Variants in CDH18 observed in about 807,000 individuals in gnomAD.
CDH18 encodes the protein cadherin-18.
In CDH18, 31 loss-of-function variants were observed where a neutral mutation model predicts 67.9. The ratio of observed to expected loss-of-function variants is 0.46; its 90% CI spans 0.34 to 0.62. CDH18 has a LOEUF of 0.62. Among genes scored for constraint, CDH18 ranks in the 20% least tolerant of loss-of-function variants. CDH18 has a pLI of 0.01. For missense variants in CDH18, 890 were observed against 975.5 expected, an observed-to-expected ratio of 0.91 and a Z score of 1.17; for synonymous variants, 362 against 347.2, an observed-to-expected ratio of 1.04 and a Z score of -0.48.
At chr5:19,559,521 T>C (rs965402795) in intron 8 of CDH18, among the ~76,000 whole-genome samples, 1 of 152,036 alleles carries the variant, frequency 6.6e-6, no homozygotes, top group African/African-American at 2.4e-5. Flanking sequence ...AGAAGGGGCA[T>C]ACCTTAAGGT....
At chr5:19,942,799 C>T (rs985164981) in intron 2 of CDH18, among the ~76,000 whole-genome samples, 1 of 152,178 alleles carries the variant, frequency 6.6e-6, no homozygotes, top group African/African-American at 2.4e-5. Context: ...TGAGGCAAAC[C>T]TCAGGAGCAT....
chr5:20,176,488 GTTGTTA>G (rs1737246533), intron 2 of CDH18, among the ~76,000 whole-genome samples: 1 of 152,052 alleles, frequency 6.6e-6, no homozygotes, highest in Non-Finnish European at 1.5e-5. Context: ...AATAGTTTTA[GTTGTTA>G]TAACCTTTGT....
At chr5:19,919,273 C>T (rs977681111) in intron 2 of CDH18, among the ~76,000 whole-genome samples, 3 of 151,088 alleles carry the variant, frequency 2.0e-5, no homozygotes, top group Non-Finnish European at 4.4e-5. Flanking sequence ...ATATTATAAT[C>T]CTTATTATAT....
At chr5:19,994,847 T>TAGAGAGAGAGAG (rs1270960698) in intron 2 of CDH18, among the ~76,000 whole-genome samples, 6 of 32,158 alleles carry the variant, frequency 1.9e-4, no homozygotes, top group African/African-American at 9.0e-4. Flanking sequence ...TATATATATA[T>TAGAGAGAGAGAG]ATATATATAG....
intron 3 of CDH18, among the ~76,000 whole-genome samples, chr5:19,812,703 G>A (rs191552189): frequency 7.9e-5 from 12 of 152,096 alleles, no homozygotes; most frequent in South Asian, 2.1e-4. Flanking sequence ...CAGTAGAAAC[G>A]CTTTTACACT....
At chr5:20,524,510 A>G (rs992223243) in intron 1 of CDH18, among the ~76,000 whole-genome samples, 2 of 152,172 alleles carry the variant, frequency 1.3e-5, no homozygotes, top group East Asian at 1.9e-4. Context: ...TGTGTACATT[A>G]TCATTATTTA....
chr5:20,097,252 T>C (rs957016186), intron 2 of CDH18, among the ~76,000 whole-genome samples: 2 of 152,098 alleles, frequency 1.3e-5, no homozygotes, highest in Non-Finnish European at 2.9e-5. Context: ...CATAGTGCTA[T>C]GAAAAAATAC....
At chr5:20,266,418 G>T (rs1242566830) in intron 1 of CDH18, among the ~76,000 whole-genome samples, 1 of 151,792 alleles carries the variant, frequency 6.6e-6, no homozygotes, top group South Asian at 2.1e-4. Context: ...ATGTTTGTTT[G>T]TTTGAGACAG....
chr5:20,004,687 G>A (rs1181343104), intron 2 of CDH18, among the ~76,000 whole-genome samples: 1 of 152,192 alleles, frequency 6.6e-6, no homozygotes, highest in African/African-American at 2.4e-5. Flanking sequence ...TTTATAAATA[G>A]TTCAATAGAT....
intron 2 of CDH18, among the ~76,000 whole-genome samples, chr5:19,978,368 T>C (rs562941164): frequency 6.6e-6 from 1 of 152,228 alleles, no homozygotes; most frequent in Non-Finnish European, 1.5e-5. Context: ...ATATAACAAT[T>C]CCAGACTGAT....
chr5:20,368,782 G>A (rs1742730829), intron 1 of CDH18, among the ~76,000 whole-genome samples: 1 of 152,118 alleles, frequency 6.6e-6, no homozygotes, highest in South Asian at 2.1e-4. Context: ...CACATTTCAA[G>A]TCCTATCCTG....
At chr5:20,471,972 TCCA>T (rs1752122867) in intron 1 of CDH18, among the ~76,000 whole-genome samples, 2 of 10 alleles carry the variant, frequency 0.2, no homozygotes, top group Non-Finnish European at 0.5. Context: ...GCTTCTCTGC[TCCA>T]AAATAAATTC....
At chr5:20,326,039 A>G (rs910809780) in intron 1 of CDH18, among the ~76,000 whole-genome samples, 22 of 152,110 alleles carry the variant, frequency 1.4e-4, no homozygotes, top group Non-Finnish European at 3.2e-4. Flanking sequence ...GCTCAGGCAC[A>G]TTTCTGAGAC....
chr5:19,609,282 T>C (rs971017444), intron 6 of CDH18, among the ~76,000 whole-genome samples: 9 of 151,918 alleles, frequency 5.9e-5, no homozygotes, highest in Non-Finnish European at 8.8e-5. Context: ...ATGAGTCCTT[T>C]TGTTTTGCTT....
intron 1 of CDH18, among the ~76,000 whole-genome samples, chr5:20,379,364 C>G (rs1206674301): frequency 6.6e-6 from 1 of 152,128 alleles, no homozygotes; most frequent in East Asian, 1.9e-4. Context: ...TACAATCATA[C>G]TTAACAGTGA....
At chr5:19,954,072 C>T (rs1308647907) in intron 2 of CDH18, among the ~76,000 whole-genome samples, 1 of 151,998 alleles carries the variant, frequency 6.6e-6, no homozygotes, top group East Asian at 1.9e-4. Flanking sequence ...TCTTTGCATT[C>T]ATTTCAGGAC....
At chr5:19,579,262 T>G (rs1742828940) in intron 7 of CDH18, among the ~76,000 whole-genome samples, 1 of 151,998 alleles carries the variant, frequency 6.6e-6, no homozygotes, top group Non-Finnish European at 1.5e-5. Context: ...AGATACATAC[T>G]CACAGTGAAT....
At chr5:20,514,069 G>C (rs1755212605) in intron 1 of CDH18, among the ~76,000 whole-genome samples, 1 of 152,020 alleles carries the variant, frequency 6.6e-6, no homozygotes, top group East Asian at 1.9e-4. Flanking sequence ...CTGTAAGGTA[G>C]GTAGAAAAAA....
intron 2 of CDH18, among the ~76,000 whole-genome samples, chr5:20,167,056 C>T (rs1736349149): frequency 6.6e-6 from 1 of 151,964 alleles, no homozygotes; most frequent in Non-Finnish European, 1.5e-5. Flanking sequence ...TTTATATTTG[C>T]TGTAACTATG....
Sources: allele counts gnomAD v4.1 joint callset (sites outside exome capture counted in the v4.1 genomes callset), GRCh38; gene constraint gnomAD v4.1.1; transcripts MANE v1.5; gene names NCBI Gene and HGNC (gene_info 2026-07-23, HGNC 2026-07-21).